The following MRTFA variants were observed in gnomAD, a reference collection of about 807,000 sequenced individuals.
MRTFA encodes myocardin-related transcription factor A.
A neutral mutation model predicts 83.5 loss-of-function variants in MRTFA; 20 were observed. The ratio of observed to expected loss-of-function variants is 0.24; its 90% CI spans 0.17 to 0.35. The LOEUF (loss-of-function observed/expected upper bound fraction) is 0.35. Among genes scored for constraint, MRTFA ranks in the 10% least tolerant of loss-of-function variants. The probability of loss-of-function intolerance (pLI) is 1.00; values close to 1 mark genes in which losing one functional copy is unlikely to be tolerated. For synonymous variants in MRTFA, 659 were observed against 541.2 expected (o/e 1.22, Z -3.02); for missense variants, 1,200 against 1,224.7 (o/e 0.98, Z 0.30).
In MRTFA at chr22:40,411,743, C is replaced by T; in HGVS notation, c.2743G>A (p.Glu915Lys). 6.5e-7 allele frequency: 1 copy of T among 1,548,626 alleles called. No homozygotes were observed. Among genetic ancestry groups the T allele is most frequent in the Non-Finnish European group, 8.8e-7 (1 of 1,141,018 alleles). The change falls in exon 15 of 15, where the codon GAG (glutamate) becomes AAG (lysine). Residue 915 changes from glutamate (E) to lysine (K), a missense_variant. Glu to Lys is a moderately conservative substitution (Grantham distance 56, BLOSUM62 1). Around this residue, in one of 2 missense-constraint regions of MRTFA, gnomAD observed 1,107 missense variants for 1,041.8 expected, o/e 1.06. Transcript: ENST00000355630. ...CCCGTGCTGCTCTCCAGGAAGTCCT[C>T]CAGGCGTCCAGGGAGGGAGGGTGAG...
chr22:40,522,179 T>C (rs2054881016), intron 3 of MRTFA: 1 of 152,170 alleles, frequency 6.6e-6, no homozygotes, highest in Non-Finnish European at 1.5e-5. Context: ...AACATACAGA[T>C]AGCCAGTTCT....
chr22:40,554,887 C>T (rs1569325773), intron 2 of MRTFA, among the ~76,000 whole-genome samples: 1 of 152,214 alleles, frequency 6.6e-6, no homozygotes, highest in Admixed American at 6.5e-5. Flanking sequence ...GGGAACCCCT[C>T]CCTTTATATC....
At chr22:40,530,054 C>T (rs958552875) in intron 3 of MRTFA, among the ~76,000 whole-genome samples, 1 of 152,128 alleles carries the variant, frequency 6.6e-6, no homozygotes, top group Non-Finnish European at 1.5e-5. Flanking sequence ...CAAAGCATAC[C>T]TAAGGAACTG....
chr22:40,426,360 A>C (rs1329345055), intron 7 of MRTFA, among the ~76,000 whole-genome samples: 1 of 151,782 alleles, frequency 6.6e-6, no homozygotes, highest in Non-Finnish European at 1.5e-5. Flanking sequence ...TCAGCCCAAA[A>C]ACCTGCTCCA....
At chr22:40,508,636 G>T (rs1370209757) in intron 3 of MRTFA, among the ~76,000 whole-genome samples, 1 of 151,496 alleles carries the variant, frequency 6.6e-6, no homozygotes, top group East Asian at 1.9e-4. Flanking sequence ...CTCTCAATTG[G>T]AAGTTTCTTT....
rs543929669 is a variant in MRTFA at position 40,419,647 on chromosome 22, T to TCCCCAGC, written c.1354-270_1354-264dup. ...GGCTGGTACATGGTGCCCACAGCTG[T>TCCCCAGC]CCCCAGCCCCCAGCCCCCAGCATGG... On this transcript the variant is annotated intron_variant, in intron 11 of 14. Transcript: ENST00000355630. Among the ~76,000 whole-genome samples the TCCCCAGC allele has an allele frequency of 7.9e-5, 12 of 152,228 alleles. No individual in the cohort carries two copies. The South Asian group carries it at 2.1e-3, about 26-fold the overall frequency.
intron 4 of MRTFA, among the ~76,000 whole-genome samples, chr22:40,457,668 C>T (rs1436626220): frequency 2.0e-5 from 3 of 152,060 alleles, no homozygotes; most frequent in Non-Finnish European, 2.9e-5. Context: ...GCAAGGTCTT[C>T]GAAGATCTAT....
At chr22:40,516,312 T>C (rs1390954347) in intron 3 of MRTFA, among the ~76,000 whole-genome samples, 1 of 150,516 alleles carries the variant, frequency 6.6e-6, no homozygotes, top group Non-Finnish European at 1.5e-5. Flanking sequence ...CGCAGCTACT[T>C]GGGAGGCTGA....
Position 40,571,026 on chromosome 22 carries a change from CAAAAAAAAAAAAA to C in MRTFA, c.-21-18672_-21-18660del, listed in dbSNP as rs71199292. 8.0e-3 allele frequency among the ~76,000 whole-genome samples: 375 copies of C among 46,724 alleles called. 1 individual carries two copies. The highest frequency in any genetic ancestry group is 0.024 in the Middle Eastern group (1 of 42). The allele number at this position is 46,724 out of a possible 152,430, so 30.7% of individuals were successfully genotyped here. On this transcript the variant is annotated intron_variant, in intron 2 of 14. Transcript: ENST00000355630. Reference sequence around the variant, plus strand: ...GCAACATAGTGAATCCCTGTCTCTACAAAAAAAAAAAAAAAAAAAAAAAAAAAAAAAAATTAGC... The same window carrying C: ...GCAACATAGTGAATCCCTGTCTCTACAAAAAAAAAAAAAAAAAAAATTAGC...
chr22:40,525,053 G>A (rs932756300), intron 3 of MRTFA, among the ~76,000 whole-genome samples: 3 of 151,896 alleles, frequency 2.0e-5, no homozygotes, highest in Non-Finnish European at 4.4e-5. Flanking sequence ...CAAGTGATCC[G>A]CCCGCCCCAG....
chr22:40,473,131 A>C (rs964056175), intron 3 of MRTFA, among the ~76,000 whole-genome samples: 1 of 152,104 alleles, frequency 6.6e-6, no homozygotes, highest in Non-Finnish European at 1.5e-5. Context: ...TTTTATATAC[A>C]GTGTAGTACA....
chr22:40,462,623 C>A (rs926087988), intron 4 of MRTFA, among the ~76,000 whole-genome samples: 1 of 152,208 alleles, frequency 6.6e-6, no homozygotes, highest in African/African-American at 2.4e-5. Flanking sequence ...TTCCTTACTT[C>A]TAACAGATTC....
At chr22:40,443,297 T>C (rs1455601534) in intron 4 of MRTFA, among the ~76,000 whole-genome samples, 1 of 152,040 alleles carries the variant, frequency 6.6e-6, no homozygotes, top group Non-Finnish European at 1.5e-5. Context: ...AATGTACTAC[T>C]GTAGAGGCTT....
Position 40,412,604 on chromosome 22 carries a change from A to G in MRTFA, c.2579-697T>C, listed in dbSNP as rs540698283. 753 of 152,370 alleles carry G rather than the reference A, an allele frequency of 4.9e-3. 6 individuals are homozygous for G. The highest frequency in any genetic ancestry group is 7.8e-3 in the Non-Finnish European group (533 of 68,040). 9.4% of individuals were successfully genotyped at this position (152,370 alleles called of 1,614,324 possible). On this transcript the variant is annotated intron_variant, in intron 14 of 14. Transcript: ENST00000355630. ...ATCAATGGATGAAGGAAGTGATACTATGCTTAGTGCAACAGCCTGTCACAA... is the reference window on the plus strand; with the variant it reads ...ATCAATGGATGAAGGAAGTGATACTGTGCTTAGTGCAACAGCCTGTCACAA...
At chr22:40,457,620 T>C (rs1364333548) in intron 4 of MRTFA, among the ~76,000 whole-genome samples, 2 of 151,966 alleles carry the variant, frequency 1.3e-5, no homozygotes, top group African/African-American at 4.8e-5. Context: ...AGGAACATCA[T>C]TAGAAATGAA....
At chr22:40,456,496 T>C (rs770939839) in intron 4 of MRTFA, among the ~76,000 whole-genome samples, 59 of 152,260 alleles carry the variant, frequency 3.9e-4, no homozygotes, top group Non-Finnish European at 6.5e-4. Flanking sequence ...GAGACCAACC[T>C]GGGCAACATG....
rs1602335234 is a variant in MRTFA, at chr22:40,495,696, T to C, written c.242-32410A>G. On this transcript the variant is annotated intron_variant, in intron 3 of 14. Coordinates refer to ENST00000355630, the MANE Select transcript of MRTFA (RefSeq NM_020831.6). ...GTCGCTTGAACCGGGGAGGTGGAGG[T>C]TGCAGTGAGCCGAGATCAAGCCACT... 2.8e-5 allele frequency among the ~76,000 whole-genome samples: 4 copies of C among 144,174 alleles called. 1 individual carries two copies. The South Asian group carries it at 6.7e-4, about 24-fold the overall frequency. 94.6% of individuals were successfully genotyped at this position (144,174 alleles called of 152,430 possible).
intron 2 of MRTFA, among the ~76,000 whole-genome samples, chr22:40,589,392 G>A (rs148026594): frequency 5.1e-4 from 78 of 152,214 alleles, no homozygotes; most frequent in African/African-American, 1.8e-3. Context: ...TCATAAAAAC[G>A]TATGAGGTAT....
At chr22:40,535,873 T>C (rs1011890247) in intron 3 of MRTFA, among the ~76,000 whole-genome samples, 5 of 152,166 alleles carry the variant, frequency 3.3e-5, no homozygotes, top group South Asian at 4.1e-4. Context: ...ACAGGAGATA[T>C]TGAGAGTCAT....
Sources: gnomAD v4.1 joint callset for allele counts (sites outside exome capture counted in the v4.1 genomes callset) on GRCh38, gnomAD v4.1.1 for gene constraint, gnomAD v4.1.1 regional missense constraint, MANE v1.5 for transcripts, NCBI Gene and HGNC (gene_info 2026-07-23, HGNC 2026-07-21) for gene names.